Variants in PRICKLE2 observed in about 807,000 individuals in gnomAD.
The protein encoded by PRICKLE2 is prickle-like protein 2.
A neutral mutation model predicts 81.4 loss-of-function variants in PRICKLE2; 21 were observed. That is an observed-to-expected ratio of 0.26 (90% CI 0.18 to 0.37). PRICKLE2 has a LOEUF of 0.37. Among genes scored for constraint, PRICKLE2 ranks in the 10% least tolerant of loss-of-function variants. The pLI, the probability that PRICKLE2 is intolerant of heterozygous loss-of-function variation, is 1.00. For missense variants in PRICKLE2, 940 were observed against 1,109.0 expected, an observed-to-expected ratio of 0.85 and a Z score of 2.16; for synonymous variants, 456 against 421.5, an observed-to-expected ratio of 1.08 and a Z score of -1.00.
At chr3:64,165,615 A>G (rs2107051325) in intron 2 of PRICKLE2, among the ~76,000 whole-genome samples, 1 of 152,210 alleles carries the variant, frequency 6.6e-6, no homozygotes, top group South Asian at 2.1e-4. Flanking sequence ...CCTGGGCTTA[A>G]GCACTCTTCC....
upstream of PRICKLE2, among the ~76,000 whole-genome samples, chr3:64,227,495 A>T (rs1032653030): frequency 5.3e-5 from 8 of 152,218 alleles, no homozygotes; most frequent in Non-Finnish European, 1.0e-4. Flanking sequence ...ATCAACAATG[A>T]AATAAAGAAG....
chr3:64,122,182 G>A (rs983963417), intron 7 of PRICKLE2, among the ~76,000 whole-genome samples: 1 of 152,152 alleles, frequency 6.6e-6, no homozygotes, highest in Non-Finnish European at 1.5e-5. Context: ...ATAACCAGGG[G>A]GTAGTTTGTT....
chr3:64,224,057 T>C (rs1288398556), intron 1 of PRICKLE2, among the ~76,000 whole-genome samples: 1 of 152,184 alleles, frequency 6.6e-6, no homozygotes, highest in African/African-American at 2.4e-5. Context: ...AGCAGAACTC[T>C]CTCACTGGGG....
At chr3:64,187,788 G>A (rs1359175994) in intron 2 of PRICKLE2, among the ~76,000 whole-genome samples, 6 of 152,166 alleles carry the variant, frequency 3.9e-5, no homozygotes, top group African/African-American at 1.4e-4. Flanking sequence ...TCACATAAAA[G>A]AGCAAACTGT....
chr3:64,214,309 T>C, intron 1 of PRICKLE2, among the ~76,000 whole-genome samples: 1 of 152,124 alleles, frequency 6.6e-6, no homozygotes, highest in African/African-American at 2.4e-5. Flanking sequence ...CCAGTGGACT[T>C]GCGAAACAAG....
At chr3:64,256,599 T>C (rs1414508656) in intron 2 of PRICKLE2, among the ~76,000 whole-genome samples, 2 of 152,216 alleles carry the variant, frequency 1.3e-5, no homozygotes, top group African/African-American at 4.8e-5. Context: ...CTACTAAAAT[T>C]AAATCTCAAA....
chr3:64,165,963 G>GGTGTGTGTGTGTGTGTGTGTGT (rs67554015), intron 2 of PRICKLE2, among the ~76,000 whole-genome samples: 2 of 61,832 alleles, frequency 3.2e-5, no homozygotes, highest in African/African-American at 8.8e-5. Flanking sequence ...CTGTTATAAA[G>GGTGTGTGTGTGTGTGTGTGTGT]GTGTGTGTGT....
intron 2 of PRICKLE2, among the ~76,000 whole-genome samples, chr3:64,247,373 A>G (rs1410489126): frequency 1.3e-5 from 2 of 152,118 alleles, no homozygotes; most frequent in African/African-American, 4.8e-5. Context: ...CCATGTATTT[A>G]TAGGCTACAG....
intron 2 of PRICKLE2, among the ~76,000 whole-genome samples, chr3:64,192,060 A>T (rs1575644936): frequency 6.6e-6 from 1 of 152,240 alleles, no homozygotes; most frequent in Non-Finnish European, 1.5e-5. Flanking sequence ...AGCAATTGGG[A>T]TGTTCAGGGG....
chr3:64,149,011 A>C (rs1046016316), intron 6 of PRICKLE2, among the ~76,000 whole-genome samples: 1 of 152,358 alleles, frequency 6.6e-6, no homozygotes, highest in African/African-American at 2.4e-5. Flanking sequence ...GTATTGCCAA[A>C]GCTACTGCCC....
intron 2 of PRICKLE2, among the ~76,000 whole-genome samples, chr3:64,198,105 G>A (rs927725797): frequency 3.3e-5 from 5 of 151,900 alleles, no homozygotes; most frequent in Non-Finnish European, 5.9e-5. Context: ...CCAGCTACTC[G>A]GGAGGCTAAG....
intron 2 of PRICKLE2, among the ~76,000 whole-genome samples, chr3:64,263,099 G>C (rs746345598): frequency 6.6e-6 from 1 of 152,162 alleles, no homozygotes; most frequent in African/African-American, 2.4e-5. Context: ...GTAAAACATC[G>C]TATGTTCCAC....
At chr3:64,151,554 A>C (rs2107023660) in intron 6 of PRICKLE2, among the ~76,000 whole-genome samples, 1 of 152,308 alleles carries the variant, frequency 6.6e-6, no homozygotes. Flanking sequence ...CAAGGACAGA[A>C]ACAGGAAAAA....
chr3:64,198,211 A>AAAAT (rs71099792), intron 2 of PRICKLE2, among the ~76,000 whole-genome samples: 3,767 of 145,130 alleles, frequency 0.026, 70 homozygotes, highest in Middle Eastern at 0.043. Context: ...GACTCTATCT[A>AAAAT]AAATAAATAA....
intron 7 of PRICKLE2, among the ~76,000 whole-genome samples, chr3:64,111,838 T>A (rs2106953615): frequency 6.6e-6 from 1 of 152,302 alleles, no homozygotes; most frequent in Non-Finnish European, 1.5e-5. Flanking sequence ...ACTTGGGAGA[T>A]GGTACCATCA....
At chr3:64,244,490 T>C (rs188060392) in intron 2 of PRICKLE2, among the ~76,000 whole-genome samples, 1 of 152,222 alleles carries the variant, frequency 6.6e-6, no homozygotes, top group East Asian at 1.9e-4. Context: ...AGGGCTGATT[T>C]TCAATTACCC....
At chr3:64,136,612 C>T (rs958883448) in intron 7 of PRICKLE2, among the ~76,000 whole-genome samples, 1 of 151,860 alleles carries the variant, frequency 6.6e-6, no homozygotes, top group Non-Finnish European at 1.5e-5. Flanking sequence ...TTCCACTGCT[C>T]TGGGAGGCAC....
intron 7 of PRICKLE2, among the ~76,000 whole-genome samples, chr3:64,144,207 C>T (rs1387948955): frequency 6.6e-6 from 1 of 152,178 alleles, no homozygotes; most frequent in African/African-American, 2.4e-5. Context: ...ATTAGACTGG[C>T]AGCCTGGTGT....
intron 7 of PRICKLE2, among the ~76,000 whole-genome samples, chr3:64,140,660 T>A (rs2077346655): frequency 2.0e-5 from 3 of 152,150 alleles, no homozygotes; most frequent in Non-Finnish European, 4.4e-5. Flanking sequence ...TTGCAACTAA[T>A]GCCTTGGTCC....
Sources: gnomAD v4.1 joint callset for allele counts (sites outside exome capture counted in the v4.1 genomes callset) on GRCh38, gnomAD v4.1.1 for gene constraint, MANE v1.5 for transcripts, NCBI Gene and HGNC (gene_info 2026-07-23, HGNC 2026-07-21) for gene names.